The following LRP1B variants were observed in gnomAD, a reference collection of about 807,000 sequenced individuals.
The protein encoded by LRP1B is low-density lipoprotein receptor-related protein 1B.
Under a neutral mutation model 556.6 loss-of-function variants are expected in LRP1B, and 217 were observed. The ratio of observed to expected loss-of-function variants is 0.39; its 90% confidence interval spans 0.35 to 0.44. The LOEUF is 0.44. Ranked by LOEUF, LRP1B falls within the 20% of genes least tolerant of loss-of-function variation. The pLI is 1.00. For synonymous variants in LRP1B, 2,047 were observed against 1,865.8 expected (o/e 1.10, Z -2.50); for missense variants, 5,053 against 5,620.8 (o/e 0.90, Z 3.23).
intron 20 of LRP1B, among the ~76,000 whole-genome samples, chr2:140,931,124 C>T (rs991127681): frequency 6.6e-6 from 1 of 152,154 alleles, no homozygotes; most frequent in African/African-American, 2.4e-5. Context: ...GTGGGATAAA[C>T]TCCCTAGGGG....
intron 74 of LRP1B, among the ~76,000 whole-genome samples, chr2:140,356,718 C>A (rs749528235): frequency 2.0e-5 from 3 of 151,718 alleles, no homozygotes; most frequent in Non-Finnish European, 4.4e-5. Context: ...ATATTTAGAG[C>A]TGCTGTTAAG....
At chr2:141,550,287 A>C (rs892749043) in intron 2 of LRP1B, among the ~76,000 whole-genome samples, 8 of 152,188 alleles carry the variant, frequency 5.3e-5, no homozygotes, top group African/African-American at 1.7e-4. Context: ...GAATTTTATA[A>C]ACCTGTCCTT....
intron 60 of LRP1B, among the ~76,000 whole-genome samples, chr2:140,472,936 G>A (rs1259957472): frequency 6.6e-6 from 1 of 151,926 alleles, no homozygotes. Flanking sequence ...TAATAAATGA[G>A]AAAAATAATA....
chr2:141,394,933 C>G (rs547509743), intron 3 of LRP1B, among the ~76,000 whole-genome samples: 1 of 151,932 alleles, frequency 6.6e-6, no homozygotes, highest in Non-Finnish European at 1.5e-5. Context: ...TTGAATGTTG[C>G]CTAGGGATCT....
chr2:140,735,401 T>G (rs143964444), intron 35 of LRP1B, among the ~76,000 whole-genome samples: 1 of 152,162 alleles, frequency 6.6e-6, no homozygotes, highest in African/African-American at 2.4e-5. Context: ...AGAGCCAGAT[T>G]TGGTAGATTA....
intron 2 of LRP1B, among the ~76,000 whole-genome samples, chr2:141,614,982 G>C (rs998602534): frequency 6.6e-6 from 1 of 152,176 alleles, no homozygotes; most frequent in African/African-American, 2.4e-5. Context: ...GGCTGGAAGA[G>C]ATTTGAGTCA....
chr2:141,890,621 C>T (rs1002409403), intron 1 of LRP1B, among the ~76,000 whole-genome samples: 3 of 151,724 alleles, frequency 2.0e-5, no homozygotes, highest in Middle Eastern at 3.2e-3. Flanking sequence ...CATAAGAACA[C>T]CAGGGCCCCG....
At chr2:140,899,728 A>G (rs1694048245) in intron 23 of LRP1B, among the ~76,000 whole-genome samples, 1 of 152,184 alleles carries the variant, frequency 6.6e-6, no homozygotes, top group African/African-American at 2.4e-5. Flanking sequence ...ATACAACACT[A>G]AAAAATGTTC....
Position 141,247,499 on chromosome 2 carries a change from C to G in LRP1B, c.464-145G>C, listed in dbSNP as rs530747436. On this transcript the variant is annotated intron_variant, in intron 4 of 90. Coordinates refer to ENST00000389484, the MANE Select transcript of LRP1B (RefSeq NM_018557.3). ...ATAAGTCTTTTCAAAACCACACTAA[C>G]TAAAAATTAAAATTATTGCTGCCTT... is the stretch of plus-strand genomic sequence containing the variant. The G allele has an allele frequency of 9.2e-5, 74 of 808,314 alleles. No individual in the cohort carries two copies. The South Asian group carries it at 1.2e-3, about 13-fold the overall frequency. 50.1% of individuals were successfully genotyped at this position (808,314 alleles called of 1,614,324 possible).
At chr2:141,261,062 G>T (rs2105351198) in intron 3 of LRP1B, among the ~76,000 whole-genome samples, 1 of 152,146 alleles carries the variant, frequency 6.6e-6, no homozygotes. Context: ...TACTTACCAT[G>T]CCAGACAGCT....
chr2:141,432,261 C>G (rs4277466), intron 3 of LRP1B, among the ~76,000 whole-genome samples: 73,032 of 151,942 alleles, frequency 0.48, 17,789 homozygotes, highest in East Asian at 0.69. Context: ...ATTTTCAAAT[C>G]TTAAACCAGC....
In LRP1B at chr2:141,544,340, C is replaced by CTTCTTCTTCTTCTTCTTCTT. The variant is rs1559131223; in HGVS notation, c.206-63827_206-63808dup. On this transcript the variant is annotated intron_variant, in intron 2 of 90. Coordinates refer to ENST00000389484, the MANE Select transcript of LRP1B (RefSeq NM_018557.3). ...TCTTCTTCTTCTTCTTCTTCTTCTT[C>CTTCTTCTTCTTCTTCTTCTT]TTCTTCTTCTTCTTCTTCTTCTTCT... Among the ~76,000 whole-genome samples, 155 of 73,248 alleles carry CTTCTTCTTCTTCTTCTTCTT rather than the reference C, an allele frequency of 2.1e-3. 5 individuals are homozygous for CTTCTTCTTCTTCTTCTTCTT. Among genetic ancestry groups the CTTCTTCTTCTTCTTCTTCTT allele is most frequent in the African/African-American group, 7.0e-3 (128 of 18,318 alleles). The allele number at this position is 73,248 out of a possible 152,430, so 48.1% of individuals were successfully genotyped here.
chr2:142,093,281 T>C, intron 1 of LRP1B, among the ~76,000 whole-genome samples: 1 of 152,076 alleles, frequency 6.6e-6, no homozygotes, highest in East Asian at 1.9e-4. Flanking sequence ...TTCCCCCAAT[T>C]CCTAGTTCGC....
Position 141,463,611 on chromosome 2 carries a change from A to C in LRP1B, c.343+16785T>G, listed in dbSNP as rs1388010694. Among the ~76,000 whole-genome samples the C allele has an allele frequency of 3.6e-5, 4 of 110,390 alleles. 2 individuals are homozygous for C. Among genetic ancestry groups the C allele is most frequent in the African/African-American group, 1.6e-4 (4 of 24,348 alleles). 72.4% of individuals were successfully genotyped at this position (110,390 alleles called of 152,430 possible). On this transcript the variant is annotated intron_variant, in intron 3 of 90. Transcript: ENST00000389484. ...ATATAATATATATTATATATTATAT[A>C]TAATTATGTATTATATATTATTATA...
intron 11 of LRP1B, among the ~76,000 whole-genome samples, chr2:141,029,510 T>C (rs1313412753): frequency 1.3e-5 from 2 of 152,132 alleles, no homozygotes; most frequent in Non-Finnish European, 2.9e-5. Context: ...GACTGCTGTG[T>C]AACTGCTAGC....
chr2:140,335,755 A>G lies in LRP1B; in HGVS notation c.11976T>C (p.His3992=), dbSNP rs2105086820. ...AGTGAGTAGTGTAGTAACTGAACCA[A>G]TGCATTCTAGAATGATCAGTCCAGT... ...NIYWTDHSRM[H]WFSYYTTHWT... is the part of the protein sequence containing the mutation. The change falls in exon 78 of 91, where the codon CAT becomes CAC. Residue 3992 remains histidine (H), a synonymous_variant. Coordinates refer to ENST00000389484, the MANE Select transcript of LRP1B (RefSeq NM_018557.3). The G allele has an allele frequency of 3.1e-6, 5 of 1,612,872 alleles. No individual in the cohort carries two copies. Among genetic ancestry groups the G allele is most frequent in the African/African-American group, 2.7e-5 (2 of 74,908 alleles).
chr2:140,305,060 C>A (rs148312073), intron 83 of LRP1B, among the ~76,000 whole-genome samples: 1,845 of 152,206 alleles, frequency 0.012, 11 homozygotes, highest in Middle Eastern at 0.027. Flanking sequence ...TTACTGTAGC[C>A]TTGTAGTATA....
intron 7 of LRP1B, among the ~76,000 whole-genome samples, chr2:141,152,444 C>T (rs1701947674): frequency 6.6e-6 from 1 of 151,724 alleles, no homozygotes; most frequent in Admixed American, 6.6e-5. Context: ...TCCAAATGAA[C>T]AACTCCACCT....
intron 49 of LRP1B, among the ~76,000 whole-genome samples, chr2:140,523,583 T>G (rs1322105395): frequency 6.6e-6 from 1 of 151,446 alleles, no homozygotes; most frequent in South Asian, 2.1e-4. Context: ...AATAGAAAAA[T>G]AGGAAACCAA....
Sources: allele counts gnomAD v4.1 joint callset (sites outside exome capture counted in the v4.1 genomes callset), GRCh38; gene constraint gnomAD v4.1.1; transcripts MANE v1.5; gene names NCBI Gene and HGNC (gene_info 2026-07-23, HGNC 2026-07-21).